Variants in ATP11C observed in about 807,000 individuals in gnomAD.
ATP11C encodes ATPase phospholipid transporting 11C (ATP11C blood group), also known as phospholipid-transporting ATPase IG.
ATP11C carries 36 observed loss-of-function variants against 97.4 expected under a neutral mutation model. That is an observed-to-expected ratio of 0.37 (90% CI 0.28 to 0.49). The LOEUF (loss-of-function observed/expected upper bound fraction) is 0.49. ATP11C is among the 20% of genes least tolerant of loss of function. The pLI is 0.98. For synonymous variants in ATP11C, 275 were observed against 290.9 expected (o/e 0.95, Z 0.56); for missense variants, 730 against 824.6 (o/e 0.89, Z 1.40).
At chrX:139,856,286 G>A (rs1039747761) in intron 1 of ATP11C, among the ~76,000 whole-genome samples, 8 of 112,577 alleles carry the variant, frequency 7.1e-5, no homozygotes, top group Non-Finnish European at 1.1e-4. Flanking sequence ...GGCACCCTGC[G>A]GGTCAGCCCC....
At chrX:139,922,784 ATTTGT>A (rs780781497) in intron 1 of ATP11C, among the ~76,000 whole-genome samples, 2 of 110,719 alleles carry the variant, frequency 1.8e-5, no homozygotes, top group East Asian at 2.9e-4. Flanking sequence ...TATACTTTTT[ATTTGT>A]TTTGTTTTGT....
At chrX:139,785,654 G>A (rs139809299) in intron 15 of ATP11C, among the ~76,000 whole-genome samples, 24 of 111,930 alleles carry the variant, frequency 2.1e-4, no homozygotes, top group African/African-American at 7.1e-4. Flanking sequence ...GGAGTGCCAG[G>A]CACAGTGCTA....
At chrX:139,764,769 C>T (rs2082102637) in intron 20 of ATP11C, among the ~76,000 whole-genome samples, 1 of 111,897 alleles carries the variant, frequency 8.9e-6, no homozygotes, top group Admixed American at 9.5e-5. Context: ...CATCCAATTC[C>T]ACTTAACACA....
chrX:139,869,057 A>G (rs139358922), intron 1 of ATP11C, among the ~76,000 whole-genome samples: 1 of 112,560 alleles, frequency 8.9e-6, no homozygotes, highest in African/African-American at 3.2e-5. Flanking sequence ...GAAAACCAGT[A>G]TGGTGGTTCC....
Position 139,738,073 on chromosome X carries a change from C to A in ATP11C, c.3135-4G>T. The A allele has an allele frequency of 2.5e-6, 3 of 1,179,913 alleles. No individual in the cohort carries two copies. The South Asian group carries it at 5.9e-5, about 23-fold the overall frequency. ...TCTCTGTTGCTTGAGAAAAGGCCTG[C>A]AGTGGAAAGAAAATACATGATGGAA... On this transcript the variant is annotated splice_polypyrimidine_tract_variant and splice_region_variant and intron_variant, in intron 27 of 29. Coordinates refer to ENST00000682941, the MANE Select transcript of ATP11C (RefSeq NM_001353812.2).
At chrX:139,889,474 GAT>G (rs1182555150) in intron 1 of ATP11C, among the ~76,000 whole-genome samples, 2 of 111,711 alleles carry the variant, frequency 1.8e-5, no homozygotes, top group Non-Finnish European at 3.8e-5. Context: ...CAGAAAATTT[GAT>G]TATTTTGATT....
intron 19 of ATP11C, among the ~76,000 whole-genome samples, chrX:139,769,096 T>C (rs1448961898): frequency 9.4e-6 from 1 of 105,933 alleles, no homozygotes; most frequent in Non-Finnish European, 1.9e-5. Context: ...GAACTTTGAC[T>C]AATATAAACT....
At chrX:139,820,316 G>A (rs529590072) in intron 2 of ATP11C, among the ~76,000 whole-genome samples, 6 of 110,856 alleles carry the variant, frequency 5.4e-5, no homozygotes, top group South Asian at 3.8e-4. Context: ...CACGAGAATC[G>A]CTTGAACCCA....
chrX:139,890,304 G>A (rs1462289703), intron 1 of ATP11C, among the ~76,000 whole-genome samples: 1 of 111,124 alleles, frequency 9.0e-6, no homozygotes, highest in African/African-American at 3.3e-5. Context: ...GCCGAGGCAG[G>A]AGGATTCCTT....
intron 18 of ATP11C, among the ~76,000 whole-genome samples, chrX:139,778,085 A>G (rs1280215934): frequency 1.8e-5 from 2 of 111,157 alleles, no homozygotes; most frequent in Middle Eastern, 4.6e-3. Flanking sequence ...GTGAGCTCCC[A>G]GGCTCAAGTG....
At chrX:139,927,436 T>C (rs1164098147) in intron 1 of ATP11C, among the ~76,000 whole-genome samples, 2 of 110,712 alleles carry the variant, frequency 1.8e-5, no homozygotes, top group Non-Finnish European at 3.8e-5. Flanking sequence ...ACCCCGTTTC[T>C]ACTAAAAAAT....
At chrX:139,817,547 C>T (rs1429980718) in intron 3 of ATP11C, among the ~76,000 whole-genome samples, 1 of 112,455 alleles carries the variant, frequency 8.9e-6, no homozygotes, top group Non-Finnish European at 1.9e-5. Flanking sequence ...CTCTATCCCA[C>T]AAATAGCAGG....
intron 12 of ATP11C, among the ~76,000 whole-genome samples, chrX:139,789,701 T>C (rs1422954395): frequency 9.0e-6 from 1 of 111,585 alleles, no homozygotes; most frequent in Middle Eastern, 4.6e-3. Flanking sequence ...ATGTCTAAGG[T>C]AGATCTACTC....
chrX:139,827,648 T>C (rs2083559494), intron 1 of ATP11C, among the ~76,000 whole-genome samples: 1 of 111,707 alleles, frequency 9.0e-6, no homozygotes, highest in Admixed American at 9.5e-5. Flanking sequence ...CTACCACATA[T>C]ATAAGTCAAA....
At chrX:139,793,714 A>T (rs1231927779) in intron 12 of ATP11C, among the ~76,000 whole-genome samples, 6 of 111,699 alleles carry the variant, frequency 5.4e-5, no homozygotes, top group Non-Finnish European at 1.9e-5. Flanking sequence ...AATAATAATG[A>T]TCTATAACCT....
At position 139,728,751 on chromosome X, in the gene ATP11C, C is replaced by T. The variant is rs1267034966; in HGVS notation, c.*215G>A. On this transcript the variant is annotated 3_prime_UTR_variant, in exon 30 of 30. Coordinates refer to ENST00000682941, the MANE Select transcript of ATP11C (RefSeq NM_001353812.2). ...CTTACAGCTTTGGCCATAAAGGCTACTTACAATAATGGTAAATGCTTAAGA... is the reference window on the plus strand; with the variant it reads ...CTTACAGCTTTGGCCATAAAGGCTATTTACAATAATGGTAAATGCTTAAGA... 5.0e-6 allele frequency: 2 copies of T among 403,948 alleles called. No individual in the cohort carries two copies. The highest frequency in any genetic ancestry group is 8.4e-6 in the Non-Finnish European group (2 of 236,879). 33.3% of individuals were successfully genotyped at this position (403,948 alleles called of 1,213,427 possible).
In ATP11C at chrX:139,932,021, G is replaced by C. The variant is rs985796448; in HGVS notation, c.22C>G (p.Arg8Gly). The change falls in exon 1 of 30, where the codon CGT (arginine) becomes GGT (glycine). Residue 8 changes from arginine (R) to glycine (G), a missense_variant. Arg to Gly is a moderately radical substitution (Grantham distance 125). Coordinates refer to ENST00000682941, the MANE Select transcript of ATP11C (RefSeq NM_001353812.2). MFRRSLN[R>G]FCAGEEKRVG... is the part of the protein sequence containing the mutation. The stretch of plus-strand genomic sequence containing the variant: ...GCCGCAGCGAGTGTACTTACAAAAC[G>C]ATTCAAGCTCCGGCGGAACATCGCG... 2 of 1,166,025 alleles carry C rather than the reference G, an allele frequency of 1.7e-6. No homozygotes were observed. The highest frequency in any genetic ancestry group is 1.8e-5 in the African/African-American group (1 of 56,581).
rs57250412 is a variant in ATP11C, at chrX:139,866,343, C to CAAAAAAAAAAAAAAAAAAAAAAAA, written c.28-39544_28-39521dup. ...TGGGTGACAGAGAAAGACTCTGTCT[C>CAAAAAAAAAAAAAAAAAAAAAAAA]AAAAAAAAAAAAAAAAAAAAAAAAC... On this transcript the variant is annotated intron_variant, in intron 1 of 29. Coordinates refer to ENST00000682941, the MANE Select transcript of ATP11C (RefSeq NM_001353812.2). 2.2e-4 allele frequency among the ~76,000 whole-genome samples: 6 copies of CAAAAAAAAAAAAAAAAAAAAAAAA among 27,548 alleles called. 1 individual carries two copies. In the East Asian group the frequency reaches 6.8e-3, roughly 31 times the overall value. The allele number at this position is 27,548 out of a possible 115,157, so 23.9% of individuals were successfully genotyped here. A position where few individuals can be genotyped will look rare whatever the true frequency, so the allele number is the denominator to read the frequency against.
chrX:139,823,869 C>T (rs1377242772), intron 2 of ATP11C, among the ~76,000 whole-genome samples: 6 of 111,044 alleles, frequency 5.4e-5, no homozygotes, highest in Admixed American at 9.6e-5. Flanking sequence ...ACAGAGTAAA[C>T]AGACAATCTA....
Sources: gnomAD v4.1 joint callset for allele counts (sites outside exome capture counted in the v4.1 genomes callset) on GRCh38, gnomAD v4.1.1 for gene constraint, MANE v1.5 for transcripts, NCBI Gene and HGNC (gene_info 2026-07-23, HGNC 2026-07-21) for gene names.